The following GTF3C4 variants were observed in gnomAD, a reference collection of about 807,000 sequenced individuals.
GTF3C4 encodes the protein general transcription factor IIIC subunit 4, also known as general transcription factor 3C polypeptide 4.
GTF3C4 carries 28 observed loss-of-function variants against 67.5 expected under a neutral mutation model. That is an observed-to-expected ratio of 0.41 (90% CI 0.31 to 0.57). GTF3C4 has a LOEUF of 0.57. Ranked by LOEUF, GTF3C4 falls within the 20% of genes least tolerant of loss-of-function variation. GTF3C4 has a pLI of 0.21. For missense variants in GTF3C4, 831 were observed against 1,033.2 expected (o/e 0.80, Z 2.68); for synonymous variants, 409 against 393.0 (o/e 1.04, Z -0.48).
chr9:132,679,540 A>C lies in GTF3C4; in HGVS notation c.1921A>C (p.Lys641Gln), dbSNP rs200585752. The stretch of plus-strand genomic sequence containing the variant: ...GAAGCAAGGCCTGCAGGAGAGGAGC[A>C]AGGAAGGAGATGTAGAGGAGCCCAC... ...VVKQGLQERS[K>Q]EGDVEEPTDD... The change falls in exon 2 of 5, where the codon AAG becomes CAG. Residue 641 changes from lysine to glutamine, a missense_variant. Around this residue, in one of 4 missense-constraint regions of GTF3C4, gnomAD observed 75 missense variants for 66.4 expected, o/e 1.13. Transcript: ENST00000372146. The surrounding 1 kb of genome is among the most constrained non-coding windows in gnomAD (Gnocchi z 5.9). 2.0e-5 allele frequency: 33 copies of C among 1,614,188 alleles called. No homozygotes were observed. Among genetic ancestry groups the C allele is most frequent in the Non-Finnish European group, 2.5e-5 (30 of 1,180,040 alleles).
At chr9:132,687,642 CATAG>C (rs1395903257) in intron 4 of GTF3C4, among the ~76,000 whole-genome samples, 17 of 152,310 alleles carry the variant, frequency 1.1e-4, no homozygotes, top group African/African-American at 4.1e-4. Flanking sequence ...CAGTAGATGA[CATAG>C]ATAGATTATA....
chr9:132,681,086 G>A (rs1307336158), intron 2 of GTF3C4, among the ~76,000 whole-genome samples: 1 of 152,074 alleles, frequency 6.6e-6, no homozygotes, highest in African/African-American at 2.4e-5. Flanking sequence ...ATCGACAAGA[G>A]CAAAACCCAT....
intron 1 of GTF3C4, among the ~76,000 whole-genome samples, chr9:132,675,895 C>CTTTT (rs72145516): frequency 0.036 from 3,212 of 88,936 alleles, 238 homozygotes; most frequent in Admixed American, 0.088. Context: ...TCCAGTTACC[C>CTTTT]TTTTTTTTTT....
At chr9:132,681,114 A>G (rs968819072) in intron 2 of GTF3C4, among the ~76,000 whole-genome samples, 2 of 152,222 alleles carry the variant, frequency 1.3e-5, no homozygotes, top group Non-Finnish European at 2.9e-5. Context: ...AAAAAAGTTA[A>G]TTTTTAAACG....
At chr9:132,671,106 A>G (rs1835735403) in intron 1 of GTF3C4, 151 bp downstream of exon 1, 1 of 629,326 alleles carries the variant, frequency 1.6e-6, no homozygotes, top group Admixed American at 3.2e-5. Context: ...CAGGGTTACC[A>G]CAGCTTAAAA....
intron 2 of GTF3C4, among the ~76,000 whole-genome samples, chr9:132,680,402 G>A (rs565189906): frequency 1.6e-4 from 24 of 152,164 alleles, no homozygotes; most frequent in Non-Finnish European, 2.9e-4. Context: ...CACTCAAAGC[G>A]TTCTGAGGAT....
Position 132,688,943 on chromosome 9 carries a change from T to C in GTF3C4, c.2467T>C (p.Ter823GlnextTer22). The C allele has an allele frequency of 6.2e-7, 1 of 1,606,704 alleles. No individual in the cohort carries two copies. The highest frequency in any genetic ancestry group is 8.5e-7 in the Non-Finnish European group (1 of 1,173,382). ...PCPFCDSPVF[*>Q] ...CCCTTTCTGTGATTCTCCTGTCTTC[T>C]AAATAATCAGTGACGGGAAGATGGA... Residue 823 changes from the stop codon to glutamine, a stop_lost, in exon 5 of 5, where the codon TAA becomes CAA. Transcript: ENST00000372146.
Position 132,679,802 on chromosome 9 carries a change from G to C in GTF3C4, c.2183G>C (p.Arg728Pro). Reference sequence around the variant, plus strand: ...GAAGAGTATGATGACAGAACTGCACGGGTAGGTGTTTATTAACAAAAACTC... The same window carrying C: ...GAAGAGTATGATGACAGAACTGCACCGGTAGGTGTTTATTAACAAAAACTC... ...SDEEYDDRTA[R>P]VLIGHISKKM... The change falls in exon 2 of 5, where the codon CGG (arginine) becomes CCG (proline). Residue 728 changes from arginine to proline, a missense_variant and splice_region_variant. Physicochemically the swap from Arg to Pro is moderately radical, Grantham distance 103. Around this residue, in one of 4 missense-constraint regions of GTF3C4, gnomAD observed 129 missense variants for 213.8 expected, o/e 0.60. Coordinates refer to ENST00000372146, the MANE Select transcript of GTF3C4 (RefSeq NM_012204.4). The surrounding 1 kb of genome is among the most constrained non-coding windows in gnomAD (Gnocchi z 5.9). 6.4e-7 allele frequency: 1 copy of C among 1,567,110 alleles called. No homozygotes were observed. Among genetic ancestry groups the C allele is most frequent in the Non-Finnish European group, 8.7e-7 (1 of 1,153,038 alleles).
intron 1 of GTF3C4, among the ~76,000 whole-genome samples, chr9:132,675,073 C>T (rs890159880): frequency 2.0e-5 from 3 of 152,106 alleles, no homozygotes; most frequent in Non-Finnish European, 4.4e-5. Context: ...TAACAATTAT[C>T]ATAGGTAACT....
chr9:132,683,548 A>C lies in GTF3C4; in HGVS notation c.2185-15A>C. ...GCACTTACACTAAACTTTGCTGACTACTTTGTCTTACTAGGTGCTGATTGG... is the reference window on the plus strand; with the variant it reads ...GCACTTACACTAAACTTTGCTGACTCCTTTGTCTTACTAGGTGCTGATTGG... On this transcript the variant is annotated splice_polypyrimidine_tract_variant and intron_variant, in intron 2 of 4. Coordinates refer to ENST00000372146, the MANE Select transcript of GTF3C4 (RefSeq NM_012204.4). 6.2e-7 allele frequency: 1 copy of C among 1,605,450 alleles called. No individual in the cohort carries two copies. Among genetic ancestry groups the C allele is most frequent in the Non-Finnish European group, 8.5e-7 (1 of 1,177,650 alleles).
At chr9:132,688,514 A>T (rs866271462) in intron 4 of GTF3C4, among the ~76,000 whole-genome samples, 8 of 152,224 alleles carry the variant, frequency 5.3e-5, no homozygotes, top group African/African-American at 4.8e-5. Flanking sequence ...AGCATTTTTT[A>T]AAAATTCCTA....
In GTF3C4 at chr9:132,670,766, G is replaced by A; in HGVS notation, c.168G>A (p.Pro56=). The A allele has an allele frequency of 6.4e-7, 1 of 1,568,322 alleles. No individual in the cohort carries two copies. Among genetic ancestry groups the A allele is most frequent in the African/African-American group, 1.4e-5 (1 of 73,990 alleles). ...AFRLMVTRRE[P]AVKLQYAVSG... ...GCCTCATGGTGACTCGGCGGGAGCCGGCCGTGAAGCTGCAGTATGCGGTGA... is the reference window on the plus strand; with the variant it reads ...GCCTCATGGTGACTCGGCGGGAGCCAGCCGTGAAGCTGCAGTATGCGGTGA... The change falls in exon 1 of 5, where the codon CCG becomes CCA. Residue 56 remains proline, a synonymous_variant. Transcript: ENST00000372146.
At chr9:132,680,904 A>C (rs1835932386) in intron 2 of GTF3C4, among the ~76,000 whole-genome samples, 1 of 152,186 alleles carries the variant, frequency 6.6e-6, no homozygotes, top group African/African-American at 2.4e-5. Flanking sequence ...AGGTCAGGAG[A>C]CCAGGAGACT....
In GTF3C4 at chr9:132,689,752, C is replaced by G. The variant is rs1564359156; in HGVS notation, c.*807C>G. 6.6e-6 allele frequency: 1 copy of G among 152,036 alleles called. No homozygotes were observed. The allele number at this position is 152,036 out of a possible 1,614,324, so 9.4% of individuals were successfully genotyped here. ...GTAGCCTAGATGAGCTATTTGTACACAGAGGAAAAAAAGATATTTTCCTCT... is the reference window on the plus strand; with the variant it reads ...GTAGCCTAGATGAGCTATTTGTACAGAGAGGAAAAAAAGATATTTTCCTCT... On this transcript the variant is annotated 3_prime_UTR_variant, in exon 5 of 5. Transcript: ENST00000372146.
At chr9:132,680,993 A>G (rs995297109) in intron 2 of GTF3C4, among the ~76,000 whole-genome samples, 8 of 152,338 alleles carry the variant, frequency 5.3e-5, no homozygotes, top group African/African-American at 1.7e-4. Flanking sequence ...CTGTAATCCC[A>G]GCTACTTGGG....
rs988241255 is a variant in GTF3C4, at chr9:132,692,061, G to A, written c.*3116G>A. On this transcript the variant is annotated 3_prime_UTR_variant, in exon 5 of 5. Transcript: ENST00000372146. ...ACAGTTAAACTGCCTCAGAGTTTGTGAATTGCTGCAATTCCTGGAATGGAA... is the reference window on the plus strand; with the variant it reads ...ACAGTTAAACTGCCTCAGAGTTTGTAAATTGCTGCAATTCCTGGAATGGAA... The A allele has an allele frequency of 6.6e-6, 1 of 152,152 alleles. No individual in the cohort carries two copies. Among genetic ancestry groups the A allele is most frequent in the African/African-American group, 2.4e-5 (1 of 41,430 alleles). The allele number at this position is 152,152 out of a possible 1,614,324, so 9.4% of individuals were successfully genotyped here.
At chr9:132,682,230 G>C (rs767773878) in intron 2 of GTF3C4, among the ~76,000 whole-genome samples, 3 of 152,068 alleles carry the variant, frequency 2.0e-5, no homozygotes, top group Non-Finnish European at 4.4e-5. Context: ...TGCTGTTAGG[G>C]ACCATATGTT....
Position 132,670,682 on chromosome 9 carries a change from C to A in GTF3C4, c.84C>A (p.Gly28=). ...PSGEEEGEGG[G]EAGGKEPAAD... ...GGGAGGAGGAGGGAGAGGGGGGCGG[C>A]GAGGCGGGCGGGAAGGAGCCAGCAG... Residue 28 remains glycine (G), a synonymous_variant, in exon 1 of 5, where the codon GGC becomes GGA. Coordinates refer to ENST00000372146, the MANE Select transcript of GTF3C4 (RefSeq NM_012204.4). 6.7e-7 allele frequency: 1 copy of A among 1,503,386 alleles called. No individual in the cohort carries two copies. The allele number at this position is 1,503,386 out of a possible 1,614,324, so 93.1% of individuals were successfully genotyped here. A position where few individuals can be genotyped will look rare whatever the true frequency, so the allele number is the denominator to read the frequency against.
Position 132,670,534 on chromosome 9 carries a change from G to A in GTF3C4, c.-65G>A. On this transcript the variant is annotated 5_prime_UTR_variant, in exon 1 of 5. Coordinates refer to ENST00000372146, the MANE Select transcript of GTF3C4 (RefSeq NM_012204.4). ...GAGGGCGCTGGGGGTGGCGGCGGCG[G>A]TCCGGGAGGTGGTCGCGCGACTGCG... 1 of 1,242,692 alleles carries A rather than the reference G, an allele frequency of 8.0e-7. No homozygotes were observed. Among genetic ancestry groups the A allele is most frequent in the Non-Finnish European group, 1.1e-6 (1 of 943,236 alleles). 77.0% of individuals were successfully genotyped at this position (1,242,692 alleles called of 1,614,324 possible). A position where few individuals can be genotyped will look rare whatever the true frequency, so the allele number is the denominator to read the frequency against.
Sources: allele counts gnomAD v4.1 joint callset (sites outside exome capture counted in the v4.1 genomes callset), GRCh38; gene constraint gnomAD v4.1.1; regional missense constraint gnomAD v4.1.1; non-coding constraint Gnocchi (gnomAD v3.1); transcripts MANE v1.5; gene names NCBI Gene and HGNC (gene_info 2026-07-23, HGNC 2026-07-21).